The following ZNF385D variants were observed in gnomAD, a reference collection of about 807,000 sequenced individuals.
The protein encoded by ZNF385D is zinc finger protein 659.
In ZNF385D, 15 loss-of-function variants were observed where a neutral mutation model predicts 35.8. That is an observed-to-expected ratio of 0.42 (90% CI 0.28 to 0.64). The LOEUF is 0.64. ZNF385D is among the 30% of genes least tolerant of loss of function. ZNF385D has a pLI of 0.23. For synonymous variants in ZNF385D, 212 were observed against 186.8 expected, an observed-to-expected ratio of 1.13 and a Z score of -1.10; for missense variants, 474 against 494.6, an observed-to-expected ratio of 0.96 and a Z score of 0.39.
intron 1 of ZNF385D, among the ~76,000 whole-genome samples, chr3:21,668,072 A>G (rs1164052284): frequency 1.3e-5 from 2 of 152,216 alleles, no homozygotes; most frequent in Non-Finnish European, 2.9e-5. Flanking sequence ...ACTATCTGCT[A>G]TGCAAATACA....
intron 2 of ZNF385D, among the ~76,000 whole-genome samples, chr3:21,638,196 T>C (rs544511119): frequency 6.6e-6 from 1 of 152,076 alleles, no homozygotes; most frequent in Admixed American, 6.6e-5. Flanking sequence ...AAAATTAGTA[T>C]GCAATATACA....
At chr3:21,892,984 T>A (rs907165038) in intron 3 of ZNF385D, among the ~76,000 whole-genome samples, 2 of 152,144 alleles carry the variant, frequency 1.3e-5, no homozygotes, top group Admixed American at 1.3e-4. Context: ...CTATGTAAAG[T>A]GTGATTTTTA....
At chr3:21,699,155 G>C (rs2067580734) in intron 1 of ZNF385D, among the ~76,000 whole-genome samples, 1 of 152,174 alleles carries the variant, frequency 6.6e-6, no homozygotes, top group Non-Finnish European at 1.5e-5. Flanking sequence ...ATACTATGTA[G>C]CCATAAAAAA....
rs1702944277 is a variant in ZNF385D, at chr3:21,458,261, C to T, written c.440-21058G>A. Among the ~76,000 whole-genome samples, 3 of 150,522 alleles carry T rather than the reference C, an allele frequency of 2.0e-5. No individual in the cohort carries two copies. In the South Asian group the frequency reaches 6.3e-4, roughly 32 times the overall value. On this transcript the variant is annotated intron_variant, in intron 4 of 7. Coordinates refer to ENST00000281523, the MANE Select transcript of ZNF385D (RefSeq NM_024697.3). Reference sequence around the variant, plus strand: ...GCCAAGGCAAGAGAATCACTTGAGCCCAAGAGTTCGAGACCAGCCTGAGCA... The same window carrying T: ...GCCAAGGCAAGAGAATCACTTGAGCTCAAGAGTTCGAGACCAGCCTGAGCA...
chr3:22,155,238 CATT>C (rs1314134871), intron 3 of ZNF385D, among the ~76,000 whole-genome samples: 1 of 151,956 alleles, frequency 6.6e-6, no homozygotes, highest in African/African-American at 2.4e-5. Context: ...TACAGAAAAA[CATT>C]ATTGATTGCT....
At chr3:22,344,270 T>TA (rs1429364567) in intron 2 of ZNF385D, among the ~76,000 whole-genome samples, 1 of 151,970 alleles carries the variant, frequency 6.6e-6, no homozygotes, top group Non-Finnish European at 1.5e-5. Flanking sequence ...TCAGACTGGA[T>TA]AAAATTTCAT....
intron 3 of ZNF385D, among the ~76,000 whole-genome samples, chr3:21,924,665 A>T (rs754794433): frequency 7.9e-5 from 12 of 152,136 alleles, no homozygotes; most frequent in Non-Finnish European, 1.5e-4. Flanking sequence ...TGGGACATTC[A>T]TCTCTATCCA....
chr3:22,143,892 AATATCTT>A (rs1393644832), intron 3 of ZNF385D, among the ~76,000 whole-genome samples: 2 of 152,182 alleles, frequency 1.3e-5, no homozygotes, highest in African/African-American at 4.8e-5. Flanking sequence ...CATACACACT[AATATCTT>A]ATTCATTTTT....
intron 3 of ZNF385D, among the ~76,000 whole-genome samples, chr3:21,800,778 T>C (rs545210505): frequency 2.4e-4 from 37 of 152,298 alleles, no homozygotes; most frequent in African/African-American, 8.4e-4. Context: ...AGAGTTTTTT[T>C]GTGGATTCCT....
chr3:22,003,664 C>T (rs567256850), intron 3 of ZNF385D, among the ~76,000 whole-genome samples: 17 of 152,080 alleles, frequency 1.1e-4, no homozygotes, highest in African/African-American at 3.4e-4. Context: ...GCCAGGTGTT[C>T]GAGACCAGCT....
At chr3:21,547,654 T>C (rs1483715835) in intron 3 of ZNF385D, among the ~76,000 whole-genome samples, 1 of 151,556 alleles carries the variant, frequency 6.6e-6, no homozygotes, top group East Asian at 1.9e-4. Flanking sequence ...TCTCGCTCTG[T>C]CTCCCAGGCT....
intron 3 of ZNF385D, among the ~76,000 whole-genome samples, chr3:21,824,750 A>G (rs531894890): frequency 1.9e-4 from 29 of 152,278 alleles, no homozygotes; most frequent in South Asian, 1.2e-3. Context: ...AAAATTAGTT[A>G]CACTTAAAAT....
chr3:22,189,614 A>G (rs562349895), intron 2 of ZNF385D, among the ~76,000 whole-genome samples: 14 of 152,162 alleles, frequency 9.2e-5, no homozygotes, highest in Non-Finnish European at 1.9e-4. Context: ...TTGCAGATCT[A>G]AAGTGTTAAT....
chr3:22,150,480 C>A (rs1705152132), intron 3 of ZNF385D, among the ~76,000 whole-genome samples: 1 of 151,972 alleles, frequency 6.6e-6, no homozygotes, highest in Admixed American at 6.6e-5. Flanking sequence ...TTCAGATCAA[C>A]AATTAATAGT....
At chr3:21,656,296 T>C (rs1575407883) in intron 2 of ZNF385D, among the ~76,000 whole-genome samples, 1 of 151,938 alleles carries the variant, frequency 6.6e-6, no homozygotes, top group South Asian at 2.1e-4. Flanking sequence ...ATAGACTGGG[T>C]GGTTTCAACA....
chr3:21,968,041 AC>A (rs1268061970), intron 3 of ZNF385D, among the ~76,000 whole-genome samples: 4 of 151,958 alleles, frequency 2.6e-5, no homozygotes, highest in African/African-American at 9.7e-5. Flanking sequence ...AGCTTACACC[AC>A]CCCTCCCTTA....
intron 4 of ZNF385D, among the ~76,000 whole-genome samples, chr3:21,453,697 A>T (rs1702608571): frequency 6.6e-6 from 1 of 152,078 alleles, no homozygotes; most frequent in Non-Finnish European, 1.5e-5. Flanking sequence ...TAAATTAAAA[A>T]TAAAACAACA....
Position 21,647,497 on chromosome 3 carries a change from A to G in ZNF385D, c.165+17389T>C, listed in dbSNP as rs117858052. 3.2e-4 allele frequency among the ~76,000 whole-genome samples: 48 copies of G among 151,810 alleles called. No individual in the cohort carries two copies. The East Asian group carries it at 8.3e-3, about 26-fold the overall frequency. Reference sequence around the variant, plus strand: ...TCCTTCCTTCCATTTACATACTGCAATTAACACGACTAACCCATGCTTATT... The same window carrying G: ...TCCTTCCTTCCATTTACATACTGCAGTTAACACGACTAACCCATGCTTATT... On this transcript the variant is annotated intron_variant, in intron 2 of 7. Transcript: ENST00000281523.
intron 3 of ZNF385D, among the ~76,000 whole-genome samples, chr3:21,789,785 T>C (rs893840655): frequency 6.6e-6 from 1 of 152,210 alleles, no homozygotes; most frequent in African/African-American, 2.4e-5. Flanking sequence ...TTCAGCAAGA[T>C]AGCTGCATCA....
Sources: gnomAD v4.1 joint callset for allele counts (sites outside exome capture counted in the v4.1 genomes callset) on GRCh38, gnomAD v4.1.1 for gene constraint, MANE v1.5 for transcripts, NCBI Gene and HGNC (gene_info 2026-07-23, HGNC 2026-07-21) for gene names.